Variants in SPATA13 observed in about 807,000 individuals in gnomAD.
The protein encoded by SPATA13 is spermatogenesis associated 13.
SPATA13 carries 50 observed loss-of-function variants against 104.0 expected under a neutral mutation model. The observed-to-expected ratio is 0.48, with a 90% CI of 0.38 to 0.61. The LOEUF is 0.61. SPATA13 is among the 20% of genes least tolerant of loss of function. SPATA13 has a pLI of 0.00. For synonymous variants in SPATA13, 606 were observed against 667.5 expected (o/e 0.91, Z 1.42); for missense variants, 1,524 against 1,690.6 (o/e 0.90, Z 1.73).
At position 24,131,419 on chromosome 13, in the gene SPATA13, C is replaced by A. The variant is rs182327962; in HGVS notation, c.-111-91400C>A. On this transcript the variant is annotated intron_variant, in intron 3 of 14. Coordinates refer to the SPATA13 transcript ENST00000424834. ...CATCTACCCGAAGCATCTCTACTTACCTGACCTGGGCACTGAAGCGCCTTA... is the reference window on the plus strand; with the variant it reads ...CATCTACCCGAAGCATCTCTACTTAACTGACCTGGGCACTGAAGCGCCTTA... Among the ~76,000 whole-genome samples the A allele has an allele frequency of 1.1e-3, 166 of 152,292 alleles. 4 individuals carry two copies. In the East Asian group the frequency reaches 0.025, roughly 23 times the overall value.
rs571948448 is a variant in SPATA13, at chr13:24,292,032, A to G, written c.3080+1148A>G. Among the ~76,000 whole-genome samples, 936 of 152,244 alleles carry G rather than the reference A, an allele frequency of 6.1e-3. 3 individuals carry two copies. The highest frequency in any genetic ancestry group is 9.4e-3 in the Non-Finnish European group (641 of 68,010). On this transcript the variant is annotated intron_variant, in intron 9 of 12. Coordinates refer to ENST00000382108, the MANE Select transcript of SPATA13 (RefSeq NM_001166271.3). The stretch of plus-strand genomic sequence containing the variant: ...CGGCCTCCCAAAGTGCTGGGATTAC[A>G]GGCGTGAGCCACCGCGCCCGGCCTC...
intron 1 of SPATA13, among the ~76,000 whole-genome samples, chr13:24,217,565 G>T (rs975767021): frequency 2.0e-5 from 3 of 152,242 alleles, no homozygotes; most frequent in South Asian, 2.1e-4. Flanking sequence ...GGAGAAGGCA[G>T]ACAAGGAAAG....
intron 1 of SPATA13, among the ~76,000 whole-genome samples, chr13:24,176,713 T>C (rs1447278661): frequency 6.6e-6 from 1 of 152,182 alleles, no homozygotes; most frequent in Non-Finnish European, 1.5e-5. Context: ...TCTAAAGAAG[T>C]TCACATATCT....
chr13:24,120,960 G>T (rs1053575897), intron 3 of SPATA13, among the ~76,000 whole-genome samples: 3 of 152,174 alleles, frequency 2.0e-5, no homozygotes, highest in Non-Finnish European at 4.4e-5. Flanking sequence ...TAGGTCTGAG[G>T]AATAAAACTG....
At chr13:24,149,934 C>G (rs1437254826) in intron 3 of SPATA13, among the ~76,000 whole-genome samples, 1 of 151,942 alleles carries the variant, frequency 6.6e-6, no homozygotes, top group East Asian at 1.9e-4. Flanking sequence ...GGCCTGCATC[C>G]AGGGGCTGTC....
intron 1 of SPATA13, among the ~76,000 whole-genome samples, chr13:24,177,865 G>GT (rs1868529818): frequency 2.0e-5 from 3 of 151,768 alleles, no homozygotes; most frequent in African/African-American, 4.8e-5. Context: ...TTCAACATAT[G>GT]AATTTTTTTT....
intron 3 of SPATA13, among the ~76,000 whole-genome samples, chr13:24,144,717 G>A (rs1287564041): frequency 6.6e-6 from 1 of 152,202 alleles, no homozygotes; most frequent in African/African-American, 2.4e-5. Context: ...TTTGGCCAGC[G>A]TGGCGTAGTT....
rs191378803 is a variant in SPATA13, at chr13:24,304,196, A to C, written c.*1423A>C. On this transcript the variant is annotated 3_prime_UTR_variant, in exon 13 of 13. Transcript: ENST00000382108. The stretch of plus-strand genomic sequence containing the variant: ...TCTGAGGACTTGTTCTTTATAAAAA[A>C]AGACCTTCACAAAATATCTTGGCTT... 1 of 152,372 alleles carries C rather than the reference A, an allele frequency of 6.6e-6. No individual in the cohort carries two copies. The highest frequency in any genetic ancestry group is 6.5e-5 in the Admixed American group (1 of 15,306). The allele number at this position is 152,372 out of a possible 1,614,324, so 9.4% of individuals were successfully genotyped here.
intron 1 of SPATA13, among the ~76,000 whole-genome samples, chr13:24,195,133 C>T (rs1869980995): frequency 1.3e-5 from 2 of 152,196 alleles, no homozygotes; most frequent in South Asian, 4.1e-4. Context: ...CAGGCTCTGG[C>T]AACCACTGAC....
At chr13:24,217,087 A>C (rs1278362411) in intron 1 of SPATA13, among the ~76,000 whole-genome samples, 1 of 152,084 alleles carries the variant, frequency 6.6e-6, no homozygotes, top group Non-Finnish European at 1.5e-5. Context: ...AAAACAAAAA[A>C]AAGGAAATGA....
chr13:24,279,531 T>C (rs1875334008), intron 4 of SPATA13, among the ~76,000 whole-genome samples: 1 of 151,804 alleles, frequency 6.6e-6, no homozygotes, highest in Non-Finnish European at 1.5e-5. Flanking sequence ...AACCCAGGCT[T>C]AAGTGGTGGG....
chr13:24,085,826 C>T (rs1879699477), intron 3 of SPATA13, among the ~76,000 whole-genome samples: 1 of 152,230 alleles, frequency 6.6e-6, no homozygotes, highest in African/African-American at 2.4e-5. Context: ...TATTTCCTGG[C>T]TCTTTGGTGT....
chr13:24,055,906 T>C (rs1407599819), intron 3 of SPATA13, among the ~76,000 whole-genome samples: 2 of 152,234 alleles, frequency 1.3e-5, no homozygotes, highest in Admixed American at 6.5e-5. Context: ...ATTAGACAAA[T>C]GGCGTTGGCA....
At chr13:24,238,452 C>T (rs544862471) in intron 2 of SPATA13, among the ~76,000 whole-genome samples, 11 of 152,294 alleles carry the variant, frequency 7.2e-5, no homozygotes, top group African/African-American at 1.7e-4. Context: ...CCACTGCCCC[C>T]GGCCTCTCCT....
At chr13:24,097,824 A>G (rs544641004) in intron 3 of SPATA13, among the ~76,000 whole-genome samples, 1 of 152,358 alleles carries the variant, frequency 6.6e-6, no homozygotes, top group South Asian at 2.1e-4. Flanking sequence ...AAACTGTACA[A>G]TCCAAACGCA....
rs539850494 is a variant in SPATA13 at position 24,015,558 on chromosome 13, G to A, written c.-146-2109G>A. Among the ~76,000 whole-genome samples, 17 of 152,308 alleles carry A rather than the reference G, an allele frequency of 1.1e-4. 1 individual carries two copies. In the South Asian group the frequency reaches 2.1e-3, roughly 19 times the overall value. On this transcript the variant is annotated intron_variant, in intron 2 of 14. Coordinates refer to the SPATA13 transcript ENST00000424834. Reference sequence around the variant, plus strand: ...CCCTGTTGTGAGCTGAGTCAGGCCTGACCCTGAGCCAGGGGCCACCTGGCC... The same window carrying A: ...CCCTGTTGTGAGCTGAGTCAGGCCTAACCCTGAGCCAGGGGCCACCTGGCC...
rs1870641407 is a variant in SPATA13, at chr13:24,205,295, C to T, written c.-111-17524C>T. ...AATTGCTAGCATTCCTGTATACCAA[C>T]AGTGGGCAAGCAGAAAGCCAAGCCA... On this transcript the variant is annotated intron_variant, in intron 1 of 12. Coordinates refer to ENST00000382108, the MANE Select transcript of SPATA13 (RefSeq NM_001166271.3). The surrounding 1 kb of genome is among the most constrained non-coding windows in gnomAD (Gnocchi z 4.1). Among the ~76,000 whole-genome samples, 1 of 152,112 alleles carries T rather than the reference C, an allele frequency of 6.6e-6. No individual in the cohort carries two copies. The highest frequency in any genetic ancestry group is 2.1e-4 in the South Asian group (1 of 4,824).
intron 2 of SPATA13, among the ~76,000 whole-genome samples, chr13:24,017,134 A>T (rs1464986091): frequency 1.3e-5 from 2 of 152,344 alleles, no homozygotes; most frequent in Admixed American, 1.3e-4. Context: ...ACATCAGTAG[A>T]TGAGTGAGCA....
chr13:24,207,823 A>G (rs1303851982), intron 1 of SPATA13, among the ~76,000 whole-genome samples: 4 of 152,212 alleles, frequency 2.6e-5, no homozygotes, highest in Non-Finnish European at 5.9e-5. Context: ...TGGATTAGGA[A>G]CACAGATGCT....
Sources: allele counts gnomAD v4.1 joint callset (sites outside exome capture counted in the v4.1 genomes callset), GRCh38; gene constraint gnomAD v4.1.1; non-coding constraint Gnocchi (gnomAD v3.1); transcripts MANE v1.5; gene names NCBI Gene and HGNC (gene_info 2026-07-23, HGNC 2026-07-21).